The following SMAD5 variants were observed in gnomAD, a reference collection of about 807,000 sequenced individuals.
SMAD5 encodes MAD, mothers against decapentaplegic homolog 5.
SMAD5 carries 9 observed loss-of-function variants against 43.1 expected under a neutral mutation model. The ratio of observed to expected loss-of-function variants is 0.21; its 90% CI spans 0.13 to 0.36. SMAD5 has a LOEUF of 0.36. Among genes scored for constraint, SMAD5 ranks in the 10% least tolerant of loss-of-function variants. SMAD5 has a pLI of 1.00. For missense variants in SMAD5, 348 were observed against 574.0 expected (o/e 0.61, Z 4.02); for synonymous variants, 190 against 192.4 (o/e 0.99, Z 0.10).
At position 136,154,170 on chromosome 5, in the gene SMAD5, C is replaced by A; in HGVS notation, c.403+7C>A. 1 of 1,475,660 alleles carries A rather than the reference C, an allele frequency of 6.8e-7. No homozygotes were observed. The highest frequency in any genetic ancestry group is 1.4e-5 in the South Asian group (1 of 69,488). The allele number at this position is 1,475,660 out of a possible 1,614,324, so 91.4% of individuals were successfully genotyped here. On this transcript the variant is annotated splice_region_variant and intron_variant, in intron 3 of 7. Coordinates refer to ENST00000545279, the MANE Select transcript of SMAD5 (RefSeq NM_005903.7). ...AAGAGAGTGGAGAGTCCAGGTAGGT[C>A]TTATTCCTGAGAAGAATTTGGAAAA...
chr5:136,142,206 T>C (rs1033227769), intron 1 of SMAD5, among the ~76,000 whole-genome samples: 5 of 151,994 alleles, frequency 3.3e-5, no homozygotes, highest in Admixed American at 6.6e-5. Context: ...AAAACATAGG[T>C]GTGGTAAGTG....
intron 3 of SMAD5, among the ~76,000 whole-genome samples, chr5:136,155,691 T>G (rs1753611319): frequency 6.6e-6 from 1 of 152,200 alleles, no homozygotes; most frequent in Non-Finnish European, 1.5e-5. Flanking sequence ...CCCAGGATCT[T>G]TCCATGGCAC....
rs1425139216 is a variant in SMAD5, at chr5:136,180,801, A to G, written c.*3321A>G. 1 of 152,166 alleles carries G rather than the reference A, an allele frequency of 6.6e-6. No individual in the cohort carries two copies. The highest frequency in any genetic ancestry group is 1.5e-5 in the Non-Finnish European group (1 of 67,980). The allele number at this position is 152,166 out of a possible 1,614,324, so 9.4% of individuals were successfully genotyped here. A position where few individuals can be genotyped will look rare whatever the true frequency, so the allele number is the denominator to read the frequency against. ...AGTTCAACAAGCCACATCTAATGGC[A>G]CAGATAGAGGATGTAGCTATTTTAT... On this transcript the variant is annotated 3_prime_UTR_variant, in exon 8 of 8. Coordinates refer to ENST00000545279, the MANE Select transcript of SMAD5 (RefSeq NM_005903.7).
At chr5:136,142,832 A>G (rs902237248) in intron 1 of SMAD5, among the ~76,000 whole-genome samples, 1 of 152,134 alleles carries the variant, frequency 6.6e-6, no homozygotes, top group African/African-American at 2.4e-5. Flanking sequence ...ACTAAGTGAT[A>G]GGCTAAATGG....
intron 5 of SMAD5, among the ~76,000 whole-genome samples, chr5:136,168,088 A>G (rs1754081641): frequency 6.6e-6 from 1 of 151,912 alleles, no homozygotes; most frequent in Admixed American, 6.6e-5. Context: ...TGATCTGCCC[A>G]CCTTGGCCTC....
chr5:136,158,788 A>C (rs1279433038), intron 3 of SMAD5, among the ~76,000 whole-genome samples: 2 of 152,054 alleles, frequency 1.3e-5, no homozygotes, highest in Non-Finnish European at 2.9e-5. Flanking sequence ...AGTCTCAGCT[A>C]CTCGGGAGGC....
intron 2 of SMAD5, among the ~76,000 whole-genome samples, chr5:136,148,603 A>G (rs1039114619): frequency 2.6e-5 from 4 of 151,802 alleles, no homozygotes; most frequent in African/African-American, 7.2e-5. Flanking sequence ...AATAATGTCA[A>G]TGCTTATGCT....
intron 2 of SMAD5, among the ~76,000 whole-genome samples, chr5:136,149,394 A>G (rs189210385): frequency 1.4e-4 from 21 of 151,914 alleles, no homozygotes; most frequent in African/African-American, 5.1e-4. Context: ...GGATACTGTT[A>G]AACAATTTTC....
intron 5 of SMAD5, among the ~76,000 whole-genome samples, chr5:136,168,811 C>T (rs1408134415): frequency 6.6e-6 from 1 of 152,194 alleles, no homozygotes; most frequent in East Asian, 1.9e-4. Flanking sequence ...TAGAATCATA[C>T]AGTATGTAGC....
At chr5:136,156,815 G>T (rs1321884305) in intron 3 of SMAD5, among the ~76,000 whole-genome samples, 1 of 152,150 alleles carries the variant, frequency 6.6e-6, no homozygotes, top group African/African-American at 2.4e-5. Flanking sequence ...CTGGGGCATA[G>T]CTCTGATACT....
chr5:136,182,554 G>T lies in SMAD5; in HGVS notation c.*5074G>T, dbSNP rs7031. The T allele has an allele frequency of 0.36, 54,962 of 152,478 alleles. 10,886 individuals are homozygous for T. The highest frequency in any genetic ancestry group is 0.54 in the African/African-American group (22,341 of 41,474). 9.4% of individuals were successfully genotyped at this position (152,478 alleles called of 1,614,324 possible). A position where few individuals can be genotyped will look rare whatever the true frequency, so the allele number is the denominator to read the frequency against. ...GGTCTGCTGCTTATTTGTATTTGTT[G>T]TGCTTCTGTTTATGTTGTAGAAGCT... On this transcript the variant is annotated 3_prime_UTR_variant, in exon 8 of 8. Coordinates refer to ENST00000545279, the MANE Select transcript of SMAD5 (RefSeq NM_005903.7).
At chr5:136,144,863 T>C (rs1753206689) in intron 1 of SMAD5, among the ~76,000 whole-genome samples, 1 of 151,854 alleles carries the variant, frequency 6.6e-6, no homozygotes, top group African/African-American at 2.4e-5. Context: ...TCCATGCTAA[T>C]TGGGTTCTTT....
chr5:136,172,735 C>G (rs964987223), intron 6 of SMAD5, 80 bp downstream of exon 6: 1 of 958,172 alleles, frequency 1.0e-6, no homozygotes, highest in Non-Finnish European at 1.7e-6. Context: ...GTGAAAGGTG[C>G]TAGAAACATA....
chr5:136,153,317 G>A (rs1479352848), intron 2 of SMAD5, among the ~76,000 whole-genome samples: 1 of 152,078 alleles, frequency 6.6e-6, no homozygotes, highest in Non-Finnish European at 1.5e-5. Context: ...TAATCAAAGG[G>A]AGTCCAGAAG....
At chr5:136,163,604 T>C (rs1023535256) in intron 5 of SMAD5, among the ~76,000 whole-genome samples, 2 of 152,358 alleles carry the variant, frequency 1.3e-5, no homozygotes, top group South Asian at 2.1e-4. Flanking sequence ...AAGGTTTCTC[T>C]GCGTATTTGC....
intron 1 of SMAD5, among the ~76,000 whole-genome samples, chr5:136,136,428 C>T (rs1487313220): frequency 1.3e-5 from 2 of 152,148 alleles, no homozygotes; most frequent in African/African-American, 2.4e-5. Context: ...TTTTCCACTT[C>T]TGAAGTTAAT....
rs986300535 is a variant in SMAD5 at position 136,179,109 on chromosome 5, T to C, written c.*1629T>C. 2.0e-5 allele frequency: 3 copies of C among 152,220 alleles called. No individual in the cohort carries two copies. Among genetic ancestry groups the C allele is most frequent in the Non-Finnish European group, 4.4e-5 (3 of 68,046 alleles). 9.4% of individuals were successfully genotyped at this position (152,220 alleles called of 1,614,324 possible). A position where few individuals can be genotyped will look rare whatever the true frequency, so the allele number is the denominator to read the frequency against. ...TCAACGAATATAGACTCTTCTCTCA[T>C]TTATCGATGATCCTCTTTTTCCATT... On this transcript the variant is annotated 3_prime_UTR_variant, in exon 8 of 8. Transcript: ENST00000545279.
intron 5 of SMAD5, among the ~76,000 whole-genome samples, chr5:136,171,968 C>T (rs1754235612): frequency 6.6e-6 from 1 of 151,982 alleles, no homozygotes; most frequent in African/African-American, 2.4e-5. Flanking sequence ...AGATTAGTTC[C>T]CTTATAAGAA....
chr5:136,147,138 G>A (rs578061836), intron 1 of SMAD5, among the ~76,000 whole-genome samples: 72 of 151,744 alleles, frequency 4.7e-4, no homozygotes, highest in African/African-American at 1.4e-3. Flanking sequence ...AGATCATTGT[G>A]TTCCAGTAAT....
Sources: allele counts gnomAD v4.1 joint callset (sites outside exome capture counted in the v4.1 genomes callset), GRCh38; gene constraint gnomAD v4.1.1; transcripts MANE v1.5; gene names NCBI Gene and HGNC (gene_info 2026-07-23, HGNC 2026-07-21).